Variants in ANGPTL5 observed in about 807,000 individuals in gnomAD.
The protein encoded by ANGPTL5 is angiopoietin-related protein 5.
ANGPTL5 carries 34 observed loss-of-function variants against 39.4 expected under a neutral mutation model. That is an observed-to-expected ratio of 0.86 (90% confidence interval 0.66 to 1.15). The LOEUF (loss-of-function observed/expected upper bound fraction) is 1.15. Among genes scored for constraint, ANGPTL5 ranks in the 50% most tolerant of loss-of-function variants. ANGPTL5 has a pLI of 0.00. For synonymous variants in ANGPTL5, 146 were observed against 152.1 expected (o/e 0.96, Z 0.29); for missense variants, 467 against 457.5 (o/e 1.02, Z -0.19).
chr11:101,913,955 G>C (rs1293813196), intron 1 of ANGPTL5, among the ~76,000 whole-genome samples: 1 of 152,194 alleles, frequency 6.6e-6, no homozygotes, highest in Non-Finnish European at 1.5e-5. Flanking sequence ...CTGTTGGTAT[G>C]CTTCTGAAGG....
In ANGPTL5 at chr11:101,910,740, T is replaced by C. The variant is rs188821614; in HGVS notation, c.-92-2739A>G. Among the ~76,000 whole-genome samples, 9 of 152,236 alleles carry C rather than the reference T, an allele frequency of 5.9e-5. No individual in the cohort carries two copies. In the East Asian group the frequency reaches 1.5e-3, roughly 26 times the overall value. On this transcript the variant is annotated intron_variant, in intron 1 of 8. Transcript: ENST00000334289. ...ACTGCAACCATCCACCAACACATCTTATTGGCTCAAGGTTCAAACTGTAAA... is the reference window on the plus strand; with the variant it reads ...ACTGCAACCATCCACCAACACATCTCATTGGCTCAAGGTTCAAACTGTAAA...
At chr11:101,912,845 G>A (rs1940113618) in intron 1 of ANGPTL5, among the ~76,000 whole-genome samples, 1 of 152,064 alleles carries the variant, frequency 6.6e-6, no homozygotes, top group Admixed American at 6.6e-5. Flanking sequence ...CAATTGACCA[G>A]GATTAACGTT....
At chr11:101,894,804 T>C in intron 8 of ANGPTL5, 75 bp downstream of exon 8, 1 of 1,357,948 alleles carries the variant, frequency 7.4e-7, no homozygotes, top group South Asian at 1.2e-5. Flanking sequence ...ACAAATGCAT[T>C]ATTTTTATCT....
At chr11:101,899,258 G>A (rs1318525280) in intron 7 of ANGPTL5, among the ~76,000 whole-genome samples, 1 of 152,182 alleles carries the variant, frequency 6.6e-6, no homozygotes, top group Non-Finnish European at 1.5e-5. Flanking sequence ...AAATTTGGCT[G>A]TGAATCCGTC....
chr11:101,906,126 T>C (rs1939993766), intron 3 of ANGPTL5, among the ~76,000 whole-genome samples: 1 of 152,162 alleles, frequency 6.6e-6, no homozygotes, highest in African/African-American at 2.4e-5. Flanking sequence ...AGAGACAGTG[T>C]TCTGATTATA....
intron 8 of ANGPTL5, among the ~76,000 whole-genome samples, chr11:101,893,557 AC>A (rs1939741584): frequency 6.6e-6 from 1 of 152,154 alleles, no homozygotes. Flanking sequence ...AAAATTTGAG[AC>A]TTTTGTAACG....
chr11:101,896,577 A>T (rs1165783956), intron 7 of ANGPTL5, among the ~76,000 whole-genome samples: 2 of 151,362 alleles, frequency 1.3e-5, no homozygotes, highest in African/African-American at 4.9e-5. Context: ...TCATTGTTCA[A>T]CTCCTACTTA....
chr11:101,911,857 G>GT (rs1192589291), intron 1 of ANGPTL5, among the ~76,000 whole-genome samples: 1 of 152,192 alleles, frequency 6.6e-6, no homozygotes, highest in African/African-American at 2.4e-5. Flanking sequence ...GAGCACAACA[G>GT]TATGATTCTG....
chr11:101,891,980 T>C (rs986102867), intron 8 of ANGPTL5, among the ~76,000 whole-genome samples: 1 of 152,214 alleles, frequency 6.6e-6, no homozygotes, highest in African/African-American at 2.4e-5. Context: ...TCCTTACCAC[T>C]ACCATTTATG....
Position 101,914,972 on chromosome 11 carries a change from C to T in ANGPTL5, c.-93+1047G>A, listed in dbSNP as rs942683942. The T allele has an allele frequency of 1.6e-5, 5 of 316,866 alleles. No homozygotes were observed. In the East Asian group the frequency reaches 2.1e-4, roughly 14 times the overall value. The allele number at this position is 316,866 out of a possible 1,614,324, so 19.6% of individuals were successfully genotyped here. On this transcript the variant is annotated intron_variant, in intron 1 of 8. Transcript: ENST00000334289. ...CTGCTTCGGGCACATCGTCCCGCCC[C>T]GACCTGTAGCTCCTCCCAGGTTTCC...
intron 7 of ANGPTL5, among the ~76,000 whole-genome samples, chr11:101,895,589 T>A (rs1806090954): frequency 6.6e-6 from 1 of 152,198 alleles, no homozygotes; most frequent in Admixed American, 6.5e-5. Flanking sequence ...TAACAGACAC[T>A]TCTTTGCTAC....
At position 101,914,118 on chromosome 11, in the gene ANGPTL5, T is replaced by A. The variant is rs143929478; in HGVS notation, c.-93+1901A>T. Among the ~76,000 whole-genome samples the A allele has an allele frequency of 1.3e-3, 197 of 152,320 alleles. 2 individuals carry two copies. The South Asian group carries it at 0.017, about 13-fold the overall frequency. On this transcript the variant is annotated intron_variant, in intron 1 of 8. Transcript: ENST00000334289. Reference sequence around the variant, plus strand: ...AACTGGAAAAGTTTATTATTTGAAATCTTAAAATGAACAAATTAATTCACA... The same window carrying A: ...AACTGGAAAAGTTTATTATTTGAAAACTTAAAATGAACAAATTAATTCACA...
Position 101,900,638 on chromosome 11 carries a change from G to C in ANGPTL5, c.541-88C>G, listed in dbSNP as rs145923567. On this transcript the variant is annotated intron_variant, in intron 6 of 8. Transcript: ENST00000334289. ...CACTCATGCTTCATCCTTAGGCTTA[G>C]AAAAAGAGACGGTACTGCCACTGAG... The C allele has an allele frequency of 3.8e-4, 539 of 1,432,526 alleles. 5 individuals carry two copies. In the East Asian group the frequency reaches 0.012, roughly 33 times the overall value. 88.7% of individuals were successfully genotyped at this position (1,432,526 alleles called of 1,614,324 possible).
At chr11:101,891,742 T>C (rs1274402422) in intron 8 of ANGPTL5, 144 bp from the exon 9 acceptor site, 1 of 838,338 alleles carries the variant, frequency 1.2e-6, no homozygotes, top group Non-Finnish European at 1.9e-6. Flanking sequence ...AAAATTCTCC[T>C]ACTCGAAGAT....
intron 7 of ANGPTL5, among the ~76,000 whole-genome samples, chr11:101,898,545 C>A (rs893556256): frequency 6.6e-6 from 1 of 152,188 alleles, no homozygotes; most frequent in Non-Finnish European, 1.5e-5. Flanking sequence ...AACTTTGAGA[C>A]TGAGGCAATG....
At chr11:101,913,557 C>A (rs1213934084) in intron 1 of ANGPTL5, among the ~76,000 whole-genome samples, 1 of 151,898 alleles carries the variant, frequency 6.6e-6, no homozygotes. Context: ...TCATAAATTA[C>A]GTGTTTTTTT....
intron 1 of ANGPTL5, among the ~76,000 whole-genome samples, chr11:101,909,553 T>C (rs1282967725): frequency 1.3e-5 from 2 of 152,216 alleles, no homozygotes; most frequent in African/African-American, 4.8e-5. Flanking sequence ...AAAATTCAAG[T>C]GAAAATGGCA....
intron 7 of ANGPTL5, 133 bp from the exon 8 acceptor site, chr11:101,895,197 G>A (rs952794635): frequency 3.7e-5 from 27 of 725,700 alleles, no homozygotes; most frequent in Non-Finnish European, 4.8e-5. Flanking sequence ...GGCACTGGAT[G>A]ACCTAGCTCA....
At position 101,905,793 on chromosome 11, in the gene ANGPTL5, C is replaced by T; in HGVS notation, c.296G>A (p.Arg99Lys). The change falls in exon 4 of 9, where the codon AGG becomes AAG. Residue 99 changes from arginine (R) to lysine (K), a missense_variant. Arg to Lys is a conservative substitution (Grantham distance 26). Coordinates refer to ENST00000334289, the MANE Select transcript of ANGPTL5 (RefSeq NM_178127.5). ...AGCTTGTTGCTCATCCATCATATTC[C>T]TTAGTAGTTTTTTGGTACTTCTTGT... ...SYTRSTKKLL[R>K]NMMDEQQASL... The T allele has an allele frequency of 6.2e-7, 1 of 1,612,314 alleles. No homozygotes were observed. The highest frequency in any genetic ancestry group is 8.5e-7 in the Non-Finnish European group (1 of 1,179,114).
Sources: gnomAD v4.1 joint callset for allele counts (sites outside exome capture counted in the v4.1 genomes callset) on GRCh38, gnomAD v4.1.1 for gene constraint, MANE v1.5 for transcripts, NCBI Gene and HGNC (gene_info 2026-07-23, HGNC 2026-07-21) for gene names.